SRGAP3: variants seen among roughly 807,000 people sequenced by gnomAD.
The protein encoded by SRGAP3 is SLIT-ROBO Rho GTPase-activating protein 3.
In SRGAP3, 39 loss-of-function variants were observed where a neutral mutation model predicts 121.1. That is an observed-to-expected ratio of 0.32 (90% CI 0.25 to 0.42). The LOEUF is 0.42. Among genes scored for constraint, SRGAP3 ranks in the 10% least tolerant of loss-of-function variants. SRGAP3 has a pLI of 1.00. For synonymous variants in SRGAP3, 601 were observed against 570.0 expected (o/e 1.05, Z -0.77); for missense variants, 1,213 against 1,470.6 (o/e 0.82, Z 2.86).
At chr3:9,195,932 G>C (rs1951901869) in intron 1 of SRGAP3, among the ~76,000 whole-genome samples, 1 of 151,956 alleles carries the variant, frequency 6.6e-6, no homozygotes, top group Non-Finnish European at 1.5e-5. Context: ...CTCCAACCTG[G>C]GTGATAGAGC....
chr3:9,175,241 G>C (rs530073367), intron 1 of SRGAP3, among the ~76,000 whole-genome samples: 1 of 152,274 alleles, frequency 6.6e-6, no homozygotes, highest in East Asian at 1.9e-4. Context: ...CCCACAGCAG[G>C]CTGGTTTCTA....
intron 1 of SRGAP3, among the ~76,000 whole-genome samples, chr3:9,358,662 G>A (rs2030643791): frequency 1.3e-5 from 2 of 152,228 alleles, no homozygotes; most frequent in African/African-American, 4.8e-5. Flanking sequence ...TCAGATATCA[G>A]TTGCAAGTTT....
chr3:9,117,970 A>T (rs942843244), intron 2 of SRGAP3, among the ~76,000 whole-genome samples: 7 of 148,216 alleles, frequency 4.7e-5, no homozygotes, highest in Admixed American at 6.7e-5. Flanking sequence ...AAAATAATTC[A>T]TTTTTTTTTT....
chr3:9,117,051 C>T (rs1054760293), intron 2 of SRGAP3, among the ~76,000 whole-genome samples: 2 of 152,096 alleles, frequency 1.3e-5, no homozygotes, highest in Non-Finnish European at 2.9e-5. Flanking sequence ...AGCTGGCACA[C>T]GGTGCTGAGA....
intron 3 of SRGAP3, among the ~76,000 whole-genome samples, chr3:9,269,453 T>C (rs1322313200): frequency 6.6e-6 from 1 of 152,222 alleles, no homozygotes; most frequent in African/African-American, 2.4e-5. Context: ...GGCACATCCA[T>C]GTCCACCCAC....
chr3:9,091,725 C>T (rs1350455394), intron 3 of SRGAP3, among the ~76,000 whole-genome samples: 1 of 152,162 alleles, frequency 6.6e-6, no homozygotes, highest in African/African-American at 2.4e-5. Context: ...ACCGGGCTAT[C>T]GGCTCTCCAT....
intron 1 of SRGAP3, among the ~76,000 whole-genome samples, chr3:9,202,780 GC>G (rs1952112679): frequency 6.6e-6 from 1 of 152,358 alleles, no homozygotes; most frequent in African/African-American, 2.4e-5. Context: ...TGGAGTCCAT[GC>G]CCCATGCCAG....
intron 3 of SRGAP3, chr3:9,292,785 A>C (rs1954890908): frequency 6.6e-6 from 1 of 152,178 alleles, no homozygotes; most frequent in Non-Finnish European, 1.5e-5. Context: ...CAAATAGCTC[A>C]TAAGCACCCC....
chr3:9,342,332 C>T (rs1353539460), intron 1 of SRGAP3, among the ~76,000 whole-genome samples: 2 of 142,472 alleles, frequency 1.4e-5, no homozygotes, highest in African/African-American at 2.7e-5. Flanking sequence ...GCCTGGGAGA[C>T]AAATCAAGAC....
intron 1 of SRGAP3, among the ~76,000 whole-genome samples, chr3:9,361,741 C>T (rs552866619): frequency 6.6e-6 from 1 of 152,204 alleles, no homozygotes; most frequent in South Asian, 2.1e-4. Context: ...TGATGCTGAC[C>T]CTCCCATTTG....
Position 9,015,717 on chromosome 3 carries a change from C to T in SRGAP3, c.1693G>A (p.Val565Met). The T allele has an allele frequency of 2.5e-6, 4 of 1,614,164 alleles. No individual in the cohort carries two copies. Among genetic ancestry groups the T allele is most frequent in the South Asian group, 2.2e-5 (2 of 91,078 alleles). ...NSFERGEDPL[V>M]DDQNERDINS... ...ATATCTCGTTCATTTTGATCGTCCA[C>T]AAGGGGGTCTTCACCTGAGTGGAAA... is the stretch of plus-strand genomic sequence containing the variant. The change falls in exon 15 of 22, where the codon GTG (valine) becomes ATG (methionine). Residue 565 changes from valine to methionine, a missense_variant. Physicochemically the swap from Val to Met is conservative, Grantham distance 21. Coordinates refer to ENST00000383836, the MANE Select transcript of SRGAP3 (RefSeq NM_014850.4).
chr3:8,994,359 T>C lies in SRGAP3; in HGVS notation c.2392A>G (p.Ile798Val). ...TCCACTCACATGTCCTGTACAACTA[T>C]GTACTGATGGGGGATGAGTCCATCC... Reference protein sequence around the residue: ...GVDGLIPHQYIVVQDMDDAFS... With the variant: ...GVDGLIPHQYVVVQDMDDAFS... Residue 798 changes from isoleucine to valine, a missense_variant, in exon 19 of 22, where the codon ATA (isoleucine) becomes GTA (valine). This residue lies in a region of SRGAP3 where 793 missense variants were observed against 1,032.9 expected (regional missense o/e 0.77). Coordinates refer to ENST00000383836, the MANE Select transcript of SRGAP3 (RefSeq NM_014850.4). 6 of 1,614,196 alleles carry C rather than the reference T, an allele frequency of 3.7e-6. No homozygotes were observed. The highest frequency in any genetic ancestry group is 4.2e-6 in the Non-Finnish European group (5 of 1,180,038).
chr3:9,210,390 G>A (rs1370195166), intron 1 of SRGAP3, among the ~76,000 whole-genome samples: 2 of 151,882 alleles, frequency 1.3e-5, no homozygotes, highest in African/African-American at 2.4e-5. Context: ...GGAAGGCCAA[G>A]GCTGGAGTAT....
chr3:9,238,768 G>A (rs1953513355), intron 1 of SRGAP3, among the ~76,000 whole-genome samples: 1 of 152,118 alleles, frequency 6.6e-6, no homozygotes, highest in African/African-American at 2.4e-5. Flanking sequence ...ACAGGCCTGA[G>A]GCAAATATCC....
chr3:9,168,108 C>T (rs1950855247), intron 1 of SRGAP3, among the ~76,000 whole-genome samples: 1 of 152,178 alleles, frequency 6.6e-6, no homozygotes, highest in Non-Finnish European at 1.5e-5. Flanking sequence ...GAGACACATC[C>T]AAGGGTATAA....
chr3:9,348,722 C>A, intron 1 of SRGAP3: 1 of 1,255,544 alleles, frequency 8.0e-7, no homozygotes, highest in Non-Finnish European at 1.2e-6. Context: ...CTCTGGGGGT[C>A]TGATCGGTCT....
At chr3:9,101,191 A>C (rs1216490951) in intron 3 of SRGAP3, among the ~76,000 whole-genome samples, 3 of 152,244 alleles carry the variant, frequency 2.0e-5, no homozygotes, top group African/African-American at 7.2e-5. Flanking sequence ...GACATCTAGC[A>C]GAGGCGTACA....
At chr3:9,284,008 T>C (rs914761179) in intron 3 of SRGAP3, among the ~76,000 whole-genome samples, 1 of 152,186 alleles carries the variant, frequency 6.6e-6, no homozygotes, top group Non-Finnish European at 1.5e-5. Context: ...AGTTGTAAAA[T>C]AGCTCCCATA....
At chr3:8,994,081 T>TGG (rs1268243480) in intron 19 of SRGAP3, 7 of 502,742 alleles carry the variant, frequency 1.4e-5, no homozygotes, top group Non-Finnish European at 2.5e-5. Flanking sequence ...TGGCACTCCC[T>TGG]GGGGGCTGTC....
Sources: allele counts gnomAD v4.1 joint callset (sites outside exome capture counted in the v4.1 genomes callset), GRCh38; gene constraint gnomAD v4.1.1; regional missense constraint gnomAD v4.1.1; transcripts MANE v1.5; gene names NCBI Gene and HGNC (gene_info 2026-07-23, HGNC 2026-07-21).